NDUFS8: variants seen among roughly 807,000 people sequenced by gnomAD.
NDUFS8 encodes NADH dehydrogenase [ubiquinone] iron-sulfur protein 8, mitochondrial.
A neutral mutation model predicts 25.6 loss-of-function variants in NDUFS8; 13 were observed. The observed-to-expected ratio is 0.51, with a 90% CI of 0.33 to 0.81. The LOEUF is 0.81. NDUFS8 is among the 30% of genes least tolerant of loss of function. The pLI, the probability that NDUFS8 is intolerant of heterozygous loss-of-function variation, is 0.02. For missense variants in NDUFS8, 257 were observed against 300.9 expected (o/e 0.85, Z 1.08); for synonymous variants, 119 against 119.4 (o/e 1.00, Z 0.02).
In NDUFS8 at chr11:68,032,182, C is replaced by G; in HGVS notation, c.31C>G (p.Arg11Gly). Reference sequence around the variant, plus strand: ...CTGCCTGACCACGCCTATGCTGCTGCGGGCCCTGGCCCAGGCTGCACGTGC... The same window carrying G: ...CTGCCTGACCACGCCTATGCTGCTGGGGGCCCTGGCCCAGGCTGCACGTGC... MRCLTTPMLL[R>G]ALAQAARAGP... is the part of the protein sequence containing the mutation. Residue 11 changes from arginine (R) to glycine (G), a missense_variant, in exon 2 of 7, where the codon CGG (arginine) becomes GGG (glycine). Coordinates refer to ENST00000313468, the MANE Select transcript of NDUFS8 (RefSeq NM_002496.4). The G allele has an allele frequency of 6.2e-7, 1 of 1,612,960 alleles. No homozygotes were observed. The highest frequency in any genetic ancestry group is 8.5e-7 in the Non-Finnish European group (1 of 1,180,028).
chr11:68,036,076 T>A, intron 5 of NDUFS8, 177 bp from the exon 6 acceptor site: 1 of 896,060 alleles, frequency 1.1e-6, no homozygotes, highest in Non-Finnish European at 1.7e-6. Flanking sequence ...GGGCACGTGC[T>A]GAGGAGACAG....
chr11:68,030,899 C>T, intron 1 of NDUFS8, 166 bp downstream of exon 1: 1 of 446,106 alleles, frequency 2.2e-6, no homozygotes, highest in South Asian at 1.6e-5. Context: ...AGCCGGCTCT[C>T]AGGGCGCATG....
chr11:68,033,608 T>G, intron 5 of NDUFS8: 1 of 414,616 alleles, frequency 2.4e-6, no homozygotes, highest in East Asian at 4.8e-5. Flanking sequence ...TCCCTGGATG[T>G]AGCCACCGTT....
At position 68,033,406 on chromosome 11, in the gene NDUFS8, C is replaced by G. The variant is rs746707214; in HGVS notation, c.372+123C>G. The G allele has an allele frequency of 7.2e-6, 8 of 1,112,012 alleles. No homozygotes were observed. The Admixed American group carries it at 1.0e-4, about 14-fold the overall frequency. The allele number at this position is 1,112,012 out of a possible 1,614,324, so 68.9% of individuals were successfully genotyped here. ...GCGTCCCCAGGAAGTCCCTTTCCCC[C>G]TCTGAGCCACTTCCCTCGTGAATGG... On this transcript the variant is annotated intron_variant, in intron 5 of 6. Coordinates refer to ENST00000313468, the MANE Select transcript of NDUFS8 (RefSeq NM_002496.4).
In NDUFS8 at chr11:68,031,844, G is replaced by T. The variant is rs375470885; in HGVS notation, c.1-308G>T. 3.8e-5 allele frequency: 19 copies of T among 494,070 alleles called. No homozygotes were observed. The East Asian group carries it at 4.6e-4, about 12-fold the overall frequency. 30.6% of individuals were successfully genotyped at this position (494,070 alleles called of 1,614,324 possible). A position where few individuals can be genotyped will look rare whatever the true frequency, so the allele number is the denominator to read the frequency against. ...TTGGTTAGATTTGGGGAGGATGAAG[G>T]GAGGAGCAGAAAGGTGGGAAACAGG... On this transcript the variant is annotated intron_variant, in intron 1 of 6. Transcript: ENST00000313468.
At chr11:68,034,902 C>G (rs1379305878) in intron 5 of NDUFS8, 3 of 152,048 alleles carry the variant, frequency 2.0e-5, no homozygotes, top group African/African-American at 4.8e-5. Flanking sequence ...AACCCCGTCT[C>G]TAGTAAAAAT....
intron 3 of NDUFS8, 52 bp from the exon 4 acceptor site, chr11:68,032,871 G>C: frequency 1.9e-6 from 3 of 1,570,146 alleles, no homozygotes; most frequent in Non-Finnish European, 2.6e-6. Context: ...AGGCTCCAGG[G>C]AGACAGTGTG....
intron 4 of NDUFS8, 36 bp from the exon 5 acceptor site, chr11:68,033,075 G>T: frequency 6.2e-7 from 1 of 1,613,144 alleles, no homozygotes; most frequent in Non-Finnish European, 8.5e-7. Flanking sequence ...TGGGGGAGGA[G>T]GGTGCCCCTG....
At chr11:68,035,970 G>C (rs1854880084) in intron 5 of NDUFS8, 1 of 414,758 alleles carries the variant, frequency 2.4e-6, no homozygotes, top group Non-Finnish European at 4.5e-6. Context: ...AGTGAGCCGA[G>C]ATTGTGCTGC....
rs1193398432 is a variant in NDUFS8 at position 68,033,141 on chromosome 11, G to A, written c.230G>A (p.Arg77Gln). The part of the protein sequence containing the change: ...GLGMTLSYLF[R>Q]EPATINYPFE... ...GGCATGACCCTGAGCTACCTGTTCC[G>A]GGAACCGGCCACCATCAACTACCCG... Residue 77 changes from arginine (R) to glutamine (Q), a missense_variant, in exon 5 of 7, where the codon CGG (arginine) becomes CAG (glutamine). Transcript: ENST00000313468. 18 of 1,612,672 alleles carry A rather than the reference G, an allele frequency of 1.1e-5. No homozygotes were observed. Among genetic ancestry groups the A allele is most frequent in the Admixed American group, 6.7e-5 (4 of 59,940 alleles).
At chr11:68,030,896 T>TCTCAGGGCGCCGGCC (rs1554991317) in intron 1 of NDUFS8, 163 bp downstream of exon 1, 14 of 442,516 alleles carry the variant, frequency 3.2e-5, no homozygotes, top group Non-Finnish European at 6.4e-5. Context: ...GGGAGCCGGC[T>TCTCAGGGCGCCGGCC]CTCAGGGCGC....
chr11:68,033,643 T>G (rs1854818212), intron 5 of NDUFS8: 3 of 354,080 alleles, frequency 8.5e-6, no homozygotes, highest in East Asian at 1.3e-4. Flanking sequence ...TGTGTGCCTG[T>G]TGCAGCTTCC....
rs775708906 is a variant in NDUFS8 at position 68,036,386 on chromosome 11, G to A, written c.501+5G>A. ...CCCGTGGATGCCATCGTCGAGGCAC[G>A]TGAGGCCCCCGGGTGGGAGGGGGCC... On this transcript the variant is annotated splice_donor_5th_base_variant and intron_variant, in intron 6 of 6. Coordinates refer to ENST00000313468, the MANE Select transcript of NDUFS8 (RefSeq NM_002496.4). 7.4e-6 allele frequency: 12 copies of A among 1,613,744 alleles called. No individual in the cohort carries two copies. Among genetic ancestry groups the A allele is most frequent in the East Asian group, 2.2e-5 (1 of 44,884 alleles).
intron 3 of NDUFS8, 163 bp downstream of exon 3, chr11:68,032,499 A>G: frequency 6.6e-7 from 1 of 1,522,576 alleles, no homozygotes. Context: ...TCTGATTCAC[A>G]GGGGCAGGGT....
chr11:68,031,059 G>A (rs1854754651), intron 1 of NDUFS8: 1 of 302,180 alleles, frequency 3.3e-6, no homozygotes, highest in Non-Finnish European at 6.7e-6. Flanking sequence ...GAGCTCTTAT[G>A]AGCGCCGGCT....
rs1425889711 is a variant in NDUFS8 at position 68,032,298 on chromosome 11, G to A, written c.71G>A (p.Gly24Asp). The change falls in exon 3 of 7, where the codon GGC becomes GAC. Residue 24 changes from glycine (G) to aspartate (D), a missense_variant. Coordinates refer to ENST00000313468, the MANE Select transcript of NDUFS8 (RefSeq NM_002496.4). ...CTTCTTTTTGCAGGACCTCCTGGTG[G>A]CCGGAGCCTCCACAGCAGTGCAGTG... is the stretch of plus-strand genomic sequence containing the variant. ...AQAARAGPPGGRSLHSSAVAA... is the reference protein window; with the variant it reads ...AQAARAGPPGDRSLHSSAVAA... 1.2e-6 allele frequency: 2 copies of A among 1,613,738 alleles called. No homozygotes were observed. The highest frequency in any genetic ancestry group is 2.2e-5 in the South Asian group (2 of 91,058).
intron 5 of NDUFS8, 131 bp downstream of exon 5, chr11:68,033,414 C>T (rs1391374144): frequency 1.9e-6 from 2 of 1,078,722 alleles, no homozygotes; most frequent in Admixed American, 2.0e-5. Flanking sequence ...CCCTCTGAGC[C>T]ACTTCCCTCG....
rs1471825046 is a variant in NDUFS8, at chr11:68,036,526, TCAA to T, written c.571_573del (p.Asn191del). ...CTGCTGTACAACAAGGAGAAGTTGC[TCAA>T]CAACGGGGACAAGTGGGAGGCCGAG... is the stretch of plus-strand genomic sequence containing the variant. On this transcript the variant is annotated inframe_deletion, in exon 7 of 7. Transcript: ENST00000313468. The T allele has an allele frequency of 6.2e-7, 1 of 1,613,972 alleles. No homozygotes were observed. Among genetic ancestry groups the T allele is most frequent in the Non-Finnish European group, 8.5e-7 (1 of 1,179,974 alleles).
At chr11:68,030,921 C>T (rs1054758560) in intron 1 of NDUFS8, 188 bp downstream of exon 1, 6 of 446,922 alleles carry the variant, frequency 1.3e-5, no homozygotes, top group East Asian at 7.4e-5. Flanking sequence ...GCCGCCCGCT[C>T]TGCGCCACCG....
Sources: gnomAD v4.1 joint callset for allele counts on GRCh38, gnomAD v4.1.1 for gene constraint, MANE v1.5 for transcripts, NCBI Gene and HGNC (gene_info 2026-07-23, HGNC 2026-07-21) for gene names.